The following SCAMP1 variants were observed in gnomAD, a reference collection of about 807,000 sequenced individuals.
The protein encoded by SCAMP1 is secretory carrier membrane protein 1.
In SCAMP1, 15 loss-of-function variants were observed where a neutral mutation model predicts 41.8. The ratio of observed to expected loss-of-function variants is 0.36; its 90% CI spans 0.24 to 0.55. The LOEUF is 0.55. Ranked by LOEUF, SCAMP1 falls within the 20% of genes least tolerant of loss-of-function variation. SCAMP1 has a pLI of 0.86. For missense variants in SCAMP1, 341 were observed against 412.6 expected, an observed-to-expected ratio of 0.83 and a Z score of 1.50; for synonymous variants, 135 against 136.8, an observed-to-expected ratio of 0.99 and a Z score of 0.09.
rs181180317 is a variant in SCAMP1 at position 78,416,614 on chromosome 5, G to C, written c.308G>C (p.Arg103Pro). The change falls in exon 4 of 9, where the codon CGT (arginine) becomes CCT (proline). Residue 103 changes from arginine to proline, a missense_variant. Arg to Pro is a moderately radical substitution (Grantham distance 103). Coordinates refer to ENST00000621999, the MANE Select transcript of SCAMP1 (RefSeq NM_004866.6). Reference protein sequence around the residue: ...ELERKAAELDRREREMQNLSQ... With the variant: ...ELERKAAELDPREREMQNLSQ... ...GAAAGAAAAGCCGCAGAATTAGATC[G>C]TCGGGAACGAGAAATGCAAAACCTC... 4 of 1,595,270 alleles carry C rather than the reference G, an allele frequency of 2.5e-6. No individual in the cohort carries two copies. Among genetic ancestry groups the C allele is most frequent in the Non-Finnish European group, 8.5e-7 (1 of 1,170,540 alleles).
chr5:78,397,859 T>C (rs1039939418), intron 2 of SCAMP1, among the ~76,000 whole-genome samples: 3 of 152,192 alleles, frequency 2.0e-5, no homozygotes, highest in Non-Finnish European at 4.4e-5. Flanking sequence ...ATGTTCAACA[T>C]TGTTAGCTGT....
At chr5:78,474,026 T>C (rs1753947013) in intron 8 of SCAMP1, among the ~76,000 whole-genome samples, 1 of 151,460 alleles carries the variant, frequency 6.6e-6, no homozygotes, top group Non-Finnish European at 1.5e-5. Flanking sequence ...CCTTTTGTGA[T>C]GGAAGGTTGT....
At chr5:78,433,263 A>C (rs975524644) in intron 6 of SCAMP1, among the ~76,000 whole-genome samples, 6 of 152,174 alleles carry the variant, frequency 3.9e-5, no homozygotes, top group African/African-American at 1.4e-4. Flanking sequence ...CATACTTGAC[A>C]GTGTGTCTTT....
At chr5:78,460,415 C>T (rs965147642) in intron 8 of SCAMP1, among the ~76,000 whole-genome samples, 2 of 152,108 alleles carry the variant, frequency 1.3e-5, no homozygotes, top group African/African-American at 2.4e-5. Flanking sequence ...TTGCCAACAT[C>T]TGTTGTTTTT....
intron 8 of SCAMP1, among the ~76,000 whole-genome samples, chr5:78,460,816 C>CTTTCTTTCTTTCTTTCTTTCTTTT (rs1325107681): frequency 3.7e-5 from 1 of 26,744 alleles, no homozygotes; most frequent in Admixed American, 2.6e-4. Flanking sequence ...TCCCTTCCTT[C>CTTTCTTTCTTTCTTTCTTTCTTTT]CTTCCTTTCT....
Position 78,360,688 on chromosome 5 carries a change from G to GT in SCAMP1, c.18dup (p.Asn7Ter). On this transcript the variant is annotated frameshift_variant, in exon 1 of 9. Coordinates refer to ENST00000621999, the MANE Select transcript of SCAMP1 (RefSeq NM_004866.6). LOFTEE classifies it high-confidence loss of function. ...GCCAGAGAGATGTCGGATTTCGACA[G>GT]TAACCCGTTTGCCGACCCGGATCTC... The GT allele has an allele frequency of 6.2e-7, 1 of 1,610,772 alleles. No individual in the cohort carries two copies. Among genetic ancestry groups the GT allele is most frequent in the Non-Finnish European group, 8.5e-7 (1 of 1,178,692 alleles).
rs1752272880 is a variant in SCAMP1, at chr5:78,418,951, T to G, written c.472+48T>G. On this transcript the variant is annotated intron_variant, in intron 5 of 8. Transcript: ENST00000621999. Reference sequence around the variant, plus strand: ...CTTTGCTTAGAATTTGTATTTTTGTTGTCAAAATCCGCATTTTTATTTCAA... The same window carrying G: ...CTTTGCTTAGAATTTGTATTTTTGTGGTCAAAATCCGCATTTTTATTTCAA... The G allele has an allele frequency of 2.0e-6, 3 of 1,489,490 alleles. No homozygotes were observed. In the African/African-American group the frequency reaches 4.2e-5, roughly 21 times the overall value. The allele number at this position is 1,489,490 out of a possible 1,614,324, so 92.3% of individuals were successfully genotyped here.
chr5:78,447,192 A>G (rs1191563864), intron 6 of SCAMP1, among the ~76,000 whole-genome samples: 1 of 152,254 alleles, frequency 6.6e-6, no homozygotes, highest in Non-Finnish European at 1.5e-5. Flanking sequence ...TCTTCCACGA[A>G]ACAGGTCCCT....
At chr5:78,372,151 C>T (rs1561249867) in intron 1 of SCAMP1, among the ~76,000 whole-genome samples, 2 of 152,196 alleles carry the variant, frequency 1.3e-5, no homozygotes, top group African/African-American at 2.4e-5. Flanking sequence ...GTGTTATATA[C>T]ATGCTAACGG....
chr5:78,421,937 C>T lies in SCAMP1; in HGVS notation c.609C>T (p.Tyr203=), dbSNP rs768273091. ...LFTPCSFVCW[Y]RPLYGAFRSD... Reference sequence around the variant, plus strand: ...CTCCTTGTTCATTTGTCTGTTGGTACAGACCACTTTATGGAGCTTTCAGGT... The same window carrying T: ...CTCCTTGTTCATTTGTCTGTTGGTATAGACCACTTTATGGAGCTTTCAGGT... Residue 203 remains tyrosine (Y), a synonymous_variant, in exon 6 of 9, where the codon TAC becomes TAT. Coordinates refer to ENST00000621999, the MANE Select transcript of SCAMP1 (RefSeq NM_004866.6). The T allele has an allele frequency of 3.1e-6, 5 of 1,613,122 alleles. No individual in the cohort carries two copies. The highest frequency in any genetic ancestry group is 3.3e-5 in the Admixed American group (2 of 59,916).
chr5:78,381,462 C>T (rs1487564200), intron 1 of SCAMP1, among the ~76,000 whole-genome samples: 1 of 152,176 alleles, frequency 6.6e-6, no homozygotes, highest in Non-Finnish European at 1.5e-5. Context: ...GATGAAAGTG[C>T]TTGTTGATCC....
At chr5:78,430,109 TATTTATAAATACA>T (rs1752570276) in intron 6 of SCAMP1, among the ~76,000 whole-genome samples, 1 of 66,384 alleles carries the variant, frequency 1.5e-5, no homozygotes, top group African/African-American at 4.9e-5. Flanking sequence ...ATACAGTATT[TATTTATAAATACA>T]GTATTTATTT....
intron 5 of SCAMP1, among the ~76,000 whole-genome samples, chr5:78,419,405 A>G (rs1580679999): frequency 1.3e-5 from 2 of 152,346 alleles, no homozygotes; most frequent in East Asian, 3.9e-4. Flanking sequence ...TATTATTGAA[A>G]GTGCTTAATT....
intron 6 of SCAMP1, among the ~76,000 whole-genome samples, chr5:78,443,582 G>A (rs1224421287): frequency 6.6e-6 from 1 of 151,204 alleles, no homozygotes; most frequent in Non-Finnish European, 1.5e-5. Context: ...AGCATAGGTG[G>A]GAAGAAGAGA....
At position 78,416,649 on chromosome 5, in the gene SCAMP1, G is replaced by T; in HGVS notation, c.343G>T (p.Gly115Cys). ...EREMQNLSQH[G>C]RKNNWPPLPS... ...AGAAATGCAAAACCTCAGTCAACAT[G>T]GTAGTATCCAAAGAAATTTGAAATA... is the stretch of plus-strand genomic sequence containing the variant. Residue 115 changes from glycine (G) to cysteine (C), a missense_variant and splice_region_variant, in exon 4 of 9, where the codon GGT becomes TGT. Transcript: ENST00000621999. The T allele has an allele frequency of 6.4e-7, 1 of 1,570,334 alleles. No homozygotes were observed. The highest frequency in any genetic ancestry group is 1.2e-5 in the South Asian group (1 of 84,710).
intron 8 of SCAMP1, among the ~76,000 whole-genome samples, chr5:78,460,813 CTTCCTTCCTTTCTT>C (rs1328005056): frequency 0.1 from 3,548 of 34,598 alleles, 438 homozygotes; most frequent in Non-Finnish European, 0.14. Context: ...TCCTCCCTTC[CTTCCTTCCTTTCTT>C]GTCTTTCCTC....
intron 8 of SCAMP1, among the ~76,000 whole-genome samples, chr5:78,460,011 G>C (rs984871407): frequency 6.6e-6 from 1 of 152,156 alleles, no homozygotes; most frequent in African/African-American, 2.4e-5. Flanking sequence ...TGCAGTATTT[G>C]ATTTTCTGTT....
intron 2 of SCAMP1, among the ~76,000 whole-genome samples, chr5:78,391,773 G>A (rs1580658897): frequency 6.6e-6 from 1 of 152,358 alleles, no homozygotes; most frequent in Non-Finnish European, 1.5e-5. Flanking sequence ...AGAAGGCCGA[G>A]GCTGGCGGAT....
intron 7 of SCAMP1, among the ~76,000 whole-genome samples, chr5:78,458,205 C>T (rs1753483333): frequency 6.6e-6 from 1 of 152,160 alleles, no homozygotes; most frequent in South Asian, 2.1e-4. Flanking sequence ...ATCTTGGCTC[C>T]TCTCCGCATG....
Sources: allele counts gnomAD v4.1 joint callset (sites outside exome capture counted in the v4.1 genomes callset), GRCh38; gene constraint gnomAD v4.1.1; transcripts MANE v1.5; gene names NCBI Gene and HGNC (gene_info 2026-07-23, HGNC 2026-07-21).